The following TGFBR3 variants were observed in gnomAD, a reference collection of about 807,000 sequenced individuals.
TGFBR3 encodes the protein transforming growth factor beta receptor 3, also known as transforming growth factor beta receptor type 3.
TGFBR3 carries 46 observed loss-of-function variants against 87.9 expected under a neutral mutation model. The ratio of observed to expected loss-of-function variants is 0.52; its 90% CI spans 0.41 to 0.67. The LOEUF is 0.67. Ranked by LOEUF, TGFBR3 falls within the 30% of genes least tolerant of loss-of-function variation. The pLI, the probability that TGFBR3 is intolerant of heterozygous loss-of-function variation, is 0.00. For synonymous variants in TGFBR3, 381 were observed against 391.6 expected (o/e 0.97, Z 0.32); for missense variants, 866 against 1,041.9 (o/e 0.83, Z 2.32).
At chr1:91,729,416 G>A (rs1672682689) in intron 6 of TGFBR3, among the ~76,000 whole-genome samples, 1 of 152,126 alleles carries the variant, frequency 6.6e-6, no homozygotes, top group Non-Finnish European at 1.5e-5. Context: ...TATATTAATA[G>A]GGCATATTTT....
intron 2 of TGFBR3, among the ~76,000 whole-genome samples, chr1:91,831,597 A>G (rs1196892630): frequency 6.6e-6 from 1 of 152,220 alleles, no homozygotes; most frequent in Admixed American, 6.5e-5. Context: ...CCAGGACCCA[A>G]ATGTTTTATA....
At chr1:91,774,535 TA>T (rs921675362) in intron 3 of TGFBR3, among the ~76,000 whole-genome samples, 11 of 152,026 alleles carry the variant, frequency 7.2e-5, no homozygotes, top group African/African-American at 1.4e-4. Context: ...AAATATGATT[TA>T]AAAAAAAGAG....
chr1:91,727,856 G>A, intron 6 of TGFBR3, 50 bp from the exon 7 acceptor site: 1 of 1,606,006 alleles, frequency 6.2e-7, no homozygotes, highest in Non-Finnish European at 8.5e-7. Flanking sequence ...CCAGAAAGTT[G>A]CAACTATCTC....
At chr1:91,763,278 A>C (rs1037294771) in intron 3 of TGFBR3, among the ~76,000 whole-genome samples, 2 of 152,198 alleles carry the variant, frequency 1.3e-5, no homozygotes, top group Non-Finnish European at 2.9e-5. Context: ...CGAACGAAAA[A>C]GCAAAGTGAG....
rs1038188354 is a variant in TGFBR3, at chr1:91,885,954, G to C, written c.-190C>G. 6 of 451,004 alleles carry C rather than the reference G, an allele frequency of 1.3e-5. No individual in the cohort carries two copies. The East Asian group carries it at 4.2e-4, about 32-fold the overall frequency. 27.9% of individuals were successfully genotyped at this position (451,004 alleles called of 1,614,324 possible). A position where few individuals can be genotyped will look rare whatever the true frequency, so the allele number is the denominator to read the frequency against. On this transcript the variant is annotated 5_prime_UTR_variant, in exon 1 of 17. Coordinates refer to ENST00000212355, the MANE Select transcript of TGFBR3 (RefSeq NM_003243.5). Reference sequence around the variant, plus strand: ...GCGGCGGCAAGTTTCCCCGCCCAGCGCTCGGCGGCGGCGAGCTCCGGCAGC... The same window carrying C: ...GCGGCGGCAAGTTTCCCCGCCCAGCCCTCGGCGGCGGCGAGCTCCGGCAGC...
chr1:91,735,126 C>A (rs1441436073), intron 4 of TGFBR3, among the ~76,000 whole-genome samples, 167 bp from the exon 5 acceptor site: 1 of 152,230 alleles, frequency 6.6e-6, no homozygotes, highest in African/African-American at 2.4e-5. Context: ...AATCCCAAGC[C>A]TAGTCCTCCC....
intron 15 of TGFBR3, among the ~76,000 whole-genome samples, chr1:91,697,739 T>C (rs1047250882): frequency 2.6e-5 from 4 of 152,340 alleles, no homozygotes; most frequent in Admixed American, 6.5e-5. Flanking sequence ...AGCAAACCAC[T>C]TCCATGGCTG....
intron 1 of TGFBR3, among the ~76,000 whole-genome samples, chr1:91,873,383 A>G (rs890098686): frequency 2.3e-4 from 34 of 148,816 alleles, no homozygotes; most frequent in Non-Finnish European, 3.0e-4. Flanking sequence ...CCCAGGTTTA[A>G]GCAATTCTCC....
intron 5 of TGFBR3, among the ~76,000 whole-genome samples, chr1:91,732,447 G>A (rs1672808390): frequency 6.6e-6 from 1 of 152,150 alleles, no homozygotes; most frequent in African/African-American, 2.4e-5. Flanking sequence ...CCCAAGTGAT[G>A]CGGATGCTGC....
rs145818824 is a variant in TGFBR3, at chr1:91,774,394, C to G, written c.247-15644G>C. On this transcript the variant is annotated intron_variant, in intron 3 of 16. Transcript: ENST00000212355. ...CAAGTGATCCACCCACCTCGGCCTC[C>G]CAAAGTGCTAGGATTATAGGCGTAA... is the stretch of plus-strand genomic sequence containing the variant. 5.2e-3 allele frequency among the ~76,000 whole-genome samples: 794 copies of G among 152,248 alleles called. 12 individuals are homozygous for G. Among genetic ancestry groups the G allele is most frequent in the African/African-American group, 0.018 (745 of 41,548 alleles).
intron 2 of TGFBR3, among the ~76,000 whole-genome samples, chr1:91,833,028 T>C (rs1394635115): frequency 8.2e-6 from 1 of 121,686 alleles, no homozygotes; most frequent in Non-Finnish European, 1.7e-5. Flanking sequence ...AAAAGCCAGG[T>C]GCAGTGGCCT....
At chr1:91,792,399 G>A (rs1272748436) in intron 3 of TGFBR3, among the ~76,000 whole-genome samples, 1 of 152,150 alleles carries the variant, frequency 6.6e-6, no homozygotes, top group Non-Finnish European at 1.5e-5. Flanking sequence ...CACCCCTACA[G>A]CCAGGCACTG....
At chr1:91,896,023 T>A (rs537368281) in intron 2 of TGFBR3, among the ~76,000 whole-genome samples, 35 of 152,210 alleles carry the variant, frequency 2.3e-4, no homozygotes, top group Non-Finnish European at 4.1e-4. Context: ...CTAAACAATG[T>A]TGATAGTTCT....
In TGFBR3 at chr1:91,719,313, G is replaced by A. The variant is rs1269944300; in HGVS notation, c.1565C>T (p.Ser522Phe). Residue 522 changes from serine to phenylalanine, a missense_variant and splice_region_variant, in exon 10 of 17, where the codon TCC (serine) becomes TTC (phenylalanine). By Grantham distance (155) the Ser-to-Phe change is radical. Transcript: ENST00000212355. ...SALDGVVYYN[S>F]IVIQVPALGD... is the part of the protein sequence containing the mutation. Reference sequence around the variant, plus strand: ...AGCTTTGTTCTGGAAAACACTCACGGAGTTATAGTAGACCACACCATCAAG... The same window carrying A: ...AGCTTTGTTCTGGAAAACACTCACGAAGTTATAGTAGACCACACCATCAAG... 5.0e-6 allele frequency: 8 copies of A among 1,614,040 alleles called. No homozygotes were observed. Among genetic ancestry groups the A allele is most frequent in the Non-Finnish European group, 5.1e-6 (6 of 1,180,040 alleles).
At chr1:91,867,960 C>T (rs1056118688) in intron 1 of TGFBR3, among the ~76,000 whole-genome samples, 4 of 152,198 alleles carry the variant, frequency 2.6e-5, no homozygotes, top group Admixed American at 1.3e-4. Context: ...ACTCTGCCAC[C>T]CAGGCTGGAG....
At chr1:91,801,096 A>AG (rs1675610251) in intron 2 of TGFBR3, 1 of 222,302 alleles carries the variant, frequency 4.5e-6, no homozygotes, top group African/African-American at 2.7e-5. Flanking sequence ...AAAAAAAAAA[A>AG]AAAAGAGAGA....
chr1:91,719,296 T>G lies in TGFBR3; in HGVS notation c.1566+16A>C. 6.2e-7 allele frequency: 1 copy of G among 1,614,128 alleles called. No individual in the cohort carries two copies. The highest frequency in any genetic ancestry group is 8.5e-7 in the Non-Finnish European group (1 of 1,180,002). ...GCTCTGGCAAAGGGCAAAGCTTTGT[T>G]CTGGAAAACACTCACGGAGTTATAG... On this transcript the variant is annotated intron_variant, in intron 10 of 16. Transcript: ENST00000212355.
intron 4 of TGFBR3, among the ~76,000 whole-genome samples, chr1:91,744,484 C>T (rs980556333): frequency 2.0e-5 from 3 of 152,186 alleles, no homozygotes; most frequent in African/African-American, 7.2e-5. Context: ...TCTCTAGAGC[C>T]TCCTCCAATT....
intron 8 of TGFBR3, among the ~76,000 whole-genome samples, chr1:91,721,120 G>T (rs1672353554): frequency 6.6e-6 from 1 of 152,180 alleles, no homozygotes; most frequent in Non-Finnish European, 1.5e-5. Flanking sequence ...GAAGCTGGAA[G>T]TGAAGATGAT....
Sources: gnomAD v4.1 joint callset for allele counts (sites outside exome capture counted in the v4.1 genomes callset) on GRCh38, gnomAD v4.1.1 for gene constraint, MANE v1.5 for transcripts, NCBI Gene and HGNC (gene_info 2026-07-23, HGNC 2026-07-21) for gene names.